The following CYP19A1 variants were observed in gnomAD, a reference collection of about 807,000 sequenced individuals.
The protein encoded by CYP19A1 is aromatase.
Under a neutral mutation model 44.4 loss-of-function variants are expected in CYP19A1, and 32 were observed. The ratio of observed to expected loss-of-function variants is 0.72; its 90% CI spans 0.54 to 0.97. CYP19A1 has a LOEUF of 0.97. Ranked by LOEUF, CYP19A1 falls within the 50% of genes least tolerant of loss-of-function variation. CYP19A1 has a pLI of 0.00. For missense variants in CYP19A1, 598 were observed against 637.8 expected (o/e 0.94, Z 0.67); for synonymous variants, 212 against 215.6 (o/e 0.98, Z 0.14).
intron 1 of CYP19A1, among the ~76,000 whole-genome samples, chr15:51,329,120 G>T (rs2036659453): frequency 6.6e-6 from 1 of 152,140 alleles, no homozygotes; most frequent in African/African-American, 2.4e-5. Context: ...TATTGGTTCT[G>T]CTTCTCTGAA....
At chr15:51,320,051 C>T (rs1566925223) in intron 1 of CYP19A1, among the ~76,000 whole-genome samples, 1 of 152,180 alleles carries the variant, frequency 6.6e-6, no homozygotes, top group Non-Finnish European at 1.5e-5. Context: ...AGATATCATC[C>T]CCTCCTTTCA....
chr15:51,213,031 C>T (rs1054948993), intron 8 of CYP19A1, among the ~76,000 whole-genome samples: 1 of 152,142 alleles, frequency 6.6e-6, no homozygotes, highest in Non-Finnish European at 1.5e-5. Context: ...TCTTCACTTA[C>T]GAGCAAACTG....
intron 1 of CYP19A1, among the ~76,000 whole-genome samples, chr15:51,260,728 A>T (rs566862306): frequency 2.0e-5 from 3 of 152,326 alleles, no homozygotes; most frequent in East Asian, 3.9e-4. Flanking sequence ...AGGGCTCACT[A>T]AAATACAAAT....
intron 1 of CYP19A1, chr15:51,312,460 G>GA (rs1180460771): frequency 1.3e-5 from 2 of 152,176 alleles, no homozygotes; most frequent in African/African-American, 4.8e-5. Context: ...TGTTTCCTCA[G>GA]AAAAAACAGT....
chr15:51,214,915 A>G (rs759860720), intron 8 of CYP19A1, 155 bp downstream of exon 8: 191 of 1,179,946 alleles, frequency 1.6e-4, no homozygotes, highest in East Asian at 3.9e-4. Context: ...TTTTCCGTCT[A>G]TCTGGTGTAA....
intron 1 of CYP19A1, among the ~76,000 whole-genome samples, chr15:51,246,613 A>G (rs12899068): frequency 0.51 from 77,234 of 152,036 alleles, 19,974 homozygotes; most frequent in Non-Finnish European, 0.56. Flanking sequence ...AGGTGTCCTG[A>G]TGACCTGGGG....
intron 1 of CYP19A1, chr15:51,316,170 T>C (rs553134665): frequency 6.8e-6 from 1 of 146,410 alleles, no homozygotes; most frequent in East Asian, 1.9e-4. Flanking sequence ...TATCTTCACT[T>C]ACAACTCTGA....
intron 1 of CYP19A1, among the ~76,000 whole-genome samples, chr15:51,317,846 G>A (rs1014662292): frequency 3.3e-5 from 5 of 152,184 alleles, no homozygotes; most frequent in Non-Finnish European, 5.9e-5. Context: ...CCAGGGAGTG[G>A]CAGAGCCCAT....
At chr15:51,318,950 C>G (rs1324504064) in intron 1 of CYP19A1, 3 of 152,200 alleles carry the variant, frequency 2.0e-5, no homozygotes. Flanking sequence ...GACCATACAG[C>G]TTTCTTCTGG....
At chr15:51,308,522 C>T (rs536136131) in intron 1 of CYP19A1, among the ~76,000 whole-genome samples, 1 of 152,294 alleles carries the variant, frequency 6.6e-6, no homozygotes, top group South Asian at 2.1e-4. Flanking sequence ...CAGTGGGCAT[C>T]TTCCTCTCTT....
chr15:51,271,867 G>A (rs937675926), intron 1 of CYP19A1, among the ~76,000 whole-genome samples: 2 of 152,234 alleles, frequency 1.3e-5, no homozygotes, highest in African/African-American at 4.8e-5. Context: ...CATAATAGGT[G>A]TTCACAATCT....
chr15:51,316,322 C>G (rs1390358182), intron 1 of CYP19A1, among the ~76,000 whole-genome samples: 1 of 151,418 alleles, frequency 6.6e-6, no homozygotes, highest in African/African-American at 2.4e-5. Context: ...GATCCTGTCT[C>G]TACAAAAAAT....
intron 1 of CYP19A1, among the ~76,000 whole-genome samples, chr15:51,299,453 C>T (rs2036067213): frequency 6.6e-6 from 1 of 152,228 alleles, no homozygotes; most frequent in Non-Finnish European, 1.5e-5. Context: ...ACTCCTGCCT[C>T]CACAGCTCTT....
intron 1 of CYP19A1, among the ~76,000 whole-genome samples, chr15:51,305,222 G>A (rs1330620737): frequency 6.6e-6 from 1 of 152,084 alleles, no homozygotes; most frequent in African/African-American, 2.4e-5. Context: ...TTCAATGTAG[G>A]ATGTCACTCA....
rs1234714490 is a variant in CYP19A1, at chr15:51,210,470, T to C, written c.*338A>G. On this transcript the variant is annotated 3_prime_UTR_variant, in exon 10 of 10. Transcript: ENST00000396402. ...TCCCCTTGGGTTGAGGCAGTAGAGC[T>C]CTACTGGGGAACCAGACATACATTT... The C allele has an allele frequency of 2.6e-5, 14 of 532,958 alleles. No individual in the cohort carries two copies. Among genetic ancestry groups the C allele is most frequent in the Non-Finnish European group, 3.6e-6 (1 of 276,190 alleles). The allele number at this position is 532,958 out of a possible 1,614,324, so 33.0% of individuals were successfully genotyped here.
At chr15:51,258,659 A>G (rs2034602980) in intron 1 of CYP19A1, among the ~76,000 whole-genome samples, 1 of 151,922 alleles carries the variant, frequency 6.6e-6, no homozygotes, top group African/African-American at 2.4e-5. Flanking sequence ...TCCTTCCCCC[A>G]TCTATTCCCT....
chr15:51,245,408 G>A (rs28694260), intron 1 of CYP19A1, among the ~76,000 whole-genome samples: 19,092 of 152,138 alleles, frequency 0.13, 1,410 homozygotes, highest in Admixed American at 0.19. Flanking sequence ...AGTTACATAC[G>A]TATACATGTG....
intron 1 of CYP19A1, among the ~76,000 whole-genome samples, chr15:51,273,324 T>C (rs1167148573): frequency 6.6e-6 from 1 of 152,220 alleles, no homozygotes; most frequent in Non-Finnish European, 1.5e-5. Context: ...TCTGATGTGT[T>C]CATTTTAACA....
At position 51,215,770 on chromosome 15, in the gene CYP19A1, C is replaced by A. The variant is rs2304462; in HGVS notation, c.791G>T (p.Arg264Leu). The part of the protein sequence containing the change: ...AIEVLIAEKR[R>L]RISTEEKLEE... ...CAGTTTCTCTTCTGTGGAAATCCTG[C>A]GTCTTTTTTCTGCTATCAGAACTTC... The change falls in exon 7 of 10, where the codon CGC becomes CTC. Residue 264 changes from arginine (R) to leucine (L), a missense_variant. By Grantham distance (102) the Arg-to-Leu change is moderately radical. Coordinates refer to ENST00000396402, the MANE Select transcript of CYP19A1 (RefSeq NM_000103.4). The A allele has an allele frequency of 6.2e-7, 1 of 1,613,978 alleles. No individual in the cohort carries two copies. Among genetic ancestry groups the A allele is most frequent in the Non-Finnish European group, 8.5e-7 (1 of 1,179,960 alleles).
Sources: gnomAD v4.1 joint callset for allele counts (sites outside exome capture counted in the v4.1 genomes callset) on GRCh38, gnomAD v4.1.1 for gene constraint, MANE v1.5 for transcripts, NCBI Gene and HGNC (gene_info 2026-07-23, HGNC 2026-07-21) for gene names.